Variants in JPH4 observed in about 807,000 individuals in gnomAD.
The protein encoded by JPH4 is junctophilin-4.
In JPH4, 18 loss-of-function variants were observed where a neutral mutation model predicts 57.6. The ratio of observed to expected loss-of-function variants is 0.31; its 90% CI spans 0.22 to 0.46. The LOEUF is 0.46. JPH4 is among the 20% of genes least tolerant of loss of function. JPH4 has a pLI of 1.00. For synonymous variants in JPH4, 425 were observed against 406.6 expected, an observed-to-expected ratio of 1.05 and a Z score of -0.54; for missense variants, 727 against 911.1, an observed-to-expected ratio of 0.80 and a Z score of 2.60.
rs1566680647 is a variant in JPH4 at position 23,577,129 on chromosome 14, G to T, written c.325C>A (p.Leu109Ile). ...CCGTCCTGGAAACCGTCCTTCCAGA[G>T]CCCGGCGTAGCGCAGGCCGGACACG... ...ESVSGLRYAG[L>I]WKDGFQDGYG... is the part of the protein sequence containing the mutation. The change falls in exon 2 of 6, where the codon CTC becomes ATC. Residue 109 changes from leucine to isoleucine, a missense_variant. Around this residue, in one of 7 missense-constraint regions of JPH4, gnomAD observed 90 missense variants for 88.1 expected, o/e 1.02. Coordinates refer to ENST00000356300, the MANE Select transcript of JPH4 (RefSeq NM_001146028.2). This position sits in a 1 kb window ranked among gnomAD's most constrained non-coding sequence, Gnocchi z 8.4. 1 of 1,556,240 alleles carries T rather than the reference G, an allele frequency of 6.4e-7. No individual in the cohort carries two copies. Among genetic ancestry groups the T allele is most frequent in the South Asian group, 1.2e-5 (1 of 85,150 alleles).
chr14:23,571,608 C>G lies in JPH4; in HGVS notation c.1271-148G>C. On this transcript the variant is annotated intron_variant, in intron 4 of 5. Coordinates refer to ENST00000356300, the MANE Select transcript of JPH4 (RefSeq NM_001146028.2). This position sits in a 1 kb window ranked among gnomAD's most constrained non-coding sequence, Gnocchi z 4.6. ...GCCAGACCCCAAACCCCCCATTATC[C>G]TACTGCATACATTCCCAAGTCCCAC... 9.0e-7 allele frequency: 1 copy of G among 1,105,212 alleles called. No homozygotes were observed. Among genetic ancestry groups the G allele is most frequent in the East Asian group, 2.4e-5 (1 of 42,162 alleles). 68.5% of individuals were successfully genotyped at this position (1,105,212 alleles called of 1,614,324 possible). A position where few individuals can be genotyped will look rare whatever the true frequency, so the allele number is the denominator to read the frequency against.
In JPH4 at chr14:23,570,666, G is replaced by A. The variant is rs556974459; in HGVS notation, c.1803+262C>T. Reference sequence around the variant, plus strand: ...TGGGATTACAGGCGTGAGCCACCGCGCCCGGCCTGGGCAAGTTACTTTAAG... The same window carrying A: ...TGGGATTACAGGCGTGAGCCACCGCACCCGGCCTGGGCAAGTTACTTTAAG... On this transcript the variant is annotated intron_variant, in intron 5 of 5. Coordinates refer to ENST00000356300, the MANE Select transcript of JPH4 (RefSeq NM_001146028.2). 1.2e-3 allele frequency among the ~76,000 whole-genome samples: 177 copies of A among 151,976 alleles called. No individual in the cohort carries two copies. Among genetic ancestry groups the A allele is most frequent in the African/African-American group, 3.8e-3 (159 of 41,444 alleles).
Position 23,569,557 on chromosome 14 carries a change from G to T in JPH4, c.*77C>A. 1.1e-6 allele frequency: 1 copy of T among 889,612 alleles called. No individual in the cohort carries two copies. The highest frequency in any genetic ancestry group is 1.8e-6 in the Non-Finnish European group (1 of 542,796). The allele number at this position is 889,612 out of a possible 1,614,324, so 55.1% of individuals were successfully genotyped here. On this transcript the variant is annotated 3_prime_UTR_variant, in exon 6 of 6. Transcript: ENST00000356300. The surrounding 1 kb of genome is among the most constrained non-coding windows in gnomAD (Gnocchi z 4.8). ...AGATAGGAGAAAACACAGCCAGGAA[G>T]AGGAGAAGAGAAAAAAGGCAGGTCA...
At position 23,571,978 on chromosome 14, in the gene JPH4, G is replaced by A. The variant is rs1889162320; in HGVS notation, c.1152-58C>T. On this transcript the variant is annotated intron_variant, in intron 3 of 5. Coordinates refer to ENST00000356300, the MANE Select transcript of JPH4 (RefSeq NM_001146028.2). This position sits in a 1 kb window ranked among gnomAD's most constrained non-coding sequence, Gnocchi z 4.6. ...CTTCCCCCACTTCAAGTTAGTCCCT[G>A]CTCAGATGCTCCAGCCCCCTAGCCC... The A allele has an allele frequency of 1.4e-6, 2 of 1,480,692 alleles. No individual in the cohort carries two copies. The highest frequency in any genetic ancestry group is 1.4e-5 in the African/African-American group (1 of 72,566). The allele number at this position is 1,480,692 out of a possible 1,614,324, so 91.7% of individuals were successfully genotyped here.
rs2139459756 is a variant in JPH4, at chr14:23,569,825, C to T, written c.1804-108G>A. 1.5e-6 allele frequency: 1 copy of T among 677,166 alleles called. No homozygotes were observed. The highest frequency in any genetic ancestry group is 1.9e-5 in the South Asian group (1 of 52,218). The allele number at this position is 677,166 out of a possible 1,614,324, so 41.9% of individuals were successfully genotyped here. A position where few individuals can be genotyped will look rare whatever the true frequency, so the allele number is the denominator to read the frequency against. On this transcript the variant is annotated intron_variant, in intron 5 of 5. Transcript: ENST00000356300. The surrounding 1 kb of genome is among the most constrained non-coding windows in gnomAD (Gnocchi z 4.8). Reference sequence around the variant, plus strand: ...GGGTCTCAGGCACCTCCCTGCACAGCCTGGAGCAGGGGGATCGCCAACATT... The same window carrying T: ...GGGTCTCAGGCACCTCCCTGCACAGTCTGGAGCAGGGGGATCGCCAACATT...
chr14:23,575,787 G>C lies in JPH4; in HGVS notation c.1049C>G (p.Ala350Gly). Residue 350 changes from alanine (A) to glycine (G), a missense_variant, in exon 3 of 6, where the codon GCC (alanine) becomes GGC (glycine). This residue lies in a region of JPH4 where 112 missense variants were observed against 199.4 expected (regional missense o/e 0.56). Coordinates refer to ENST00000356300, the MANE Select transcript of JPH4 (RefSeq NM_001146028.2). The surrounding 1 kb of genome is among the most constrained non-coding windows in gnomAD (Gnocchi z 6.9). Reference sequence around the variant, plus strand: ...CTCCTTAACCTTGCCCCGCCGAAGGGCCAGAGGCAGGAGACTGCGGACGCG... The same window carrying C: ...CTCCTTAACCTTGCCCCGCCGAAGGCCCAGAGGCAGGAGACTGCGGACGCG... Reference protein sequence around the residue: ...GGRVRSLLPLALRRGKVKEKV... With the variant: ...GGRVRSLLPLGLRRGKVKEKV... 2 of 1,595,296 alleles carry C rather than the reference G, an allele frequency of 1.3e-6. No homozygotes were observed. Among genetic ancestry groups the C allele is most frequent in the Non-Finnish European group, 1.7e-6 (2 of 1,172,540 alleles).
chr14:23,576,467 C>T lies in JPH4; in HGVS notation c.380-11G>A. 2 of 1,401,102 alleles carry T rather than the reference C, an allele frequency of 1.4e-6. No individual in the cohort carries two copies. Among genetic ancestry groups the T allele is most frequent in the Non-Finnish European group, 1.8e-6 (2 of 1,085,860 alleles). 86.8% of individuals were successfully genotyped at this position (1,401,102 alleles called of 1,614,324 possible). ...GGCCCTGGTAGGTGCCTGCGGGCGG[C>T]GGAGGGGTGGGAGAAAGAGTCAGGA... On this transcript the variant is annotated splice_polypyrimidine_tract_variant and intron_variant, in intron 2 of 5. Coordinates refer to ENST00000356300, the MANE Select transcript of JPH4 (RefSeq NM_001146028.2). The surrounding 1 kb of genome is among the most constrained non-coding windows in gnomAD (Gnocchi z 8.0).
In JPH4 at chr14:23,571,279, C is replaced by T; in HGVS notation, c.1452G>A (p.Gly484=). 1 of 1,602,448 alleles carries T rather than the reference C, an allele frequency of 6.2e-7. No individual in the cohort carries two copies. Among genetic ancestry groups the T allele is most frequent in the Non-Finnish European group, 8.5e-7 (1 of 1,174,184 alleles). ...TGGGGCTGGAGAAGGGACCCTGGTC[C>T]CCTCCAGGAGGCAGTGGGCTCCGGC... The part of the protein sequence containing the change: ...PACRSPLPPG[G]DQGPFSSPKA... The change falls in exon 5 of 6, where the codon GGG becomes GGA. Residue 484 remains glycine, a synonymous_variant. Transcript: ENST00000356300. The surrounding 1 kb of genome is among the most constrained non-coding windows in gnomAD (Gnocchi z 4.6).
chr14:23,571,738 A>ACACCTGAGCCT lies in JPH4; in HGVS notation c.1270+53_1270+63dup, dbSNP rs1195289977. The ACACCTGAGCCT allele has an allele frequency of 1.1e-5, 16 of 1,443,664 alleles. No individual in the cohort carries two copies. In the South Asian group the frequency reaches 1.2e-4, roughly 10 times the overall value. The allele number at this position is 1,443,664 out of a possible 1,614,324, so 89.4% of individuals were successfully genotyped here. A position where few individuals can be genotyped will look rare whatever the true frequency, so the allele number is the denominator to read the frequency against. ...TGCAGGGCTTCTCATCTGTTTCCCC[A>ACACCTGAGCCT]CACCTGAGCCTCTCTAGCTCCCTAG... On this transcript the variant is annotated intron_variant, in intron 4 of 5. Transcript: ENST00000356300. The surrounding 1 kb of genome is among the most constrained non-coding windows in gnomAD (Gnocchi z 4.6).
At chr14:23,570,464 C>G (rs972454758) in intron 5 of JPH4, among the ~76,000 whole-genome samples, 73 of 151,234 alleles carry the variant, frequency 4.8e-4, no homozygotes, top group African/African-American at 1.7e-3. Context: ...CTCCGCCTCC[C>G]GGGTTCACGC....
At chr14:23,572,748 C>T in intron 3 of JPH4, 1 of 631,450 alleles carries the variant, frequency 1.6e-6, no homozygotes, top group South Asian at 1.8e-5. Flanking sequence ...ATCCCCTCTC[C>T]CTACTAACAT....
Position 23,571,104 on chromosome 14 carries a change from G to A in JPH4, c.1627C>T (p.Arg543Ter). 6.2e-7 allele frequency: 1 copy of A among 1,614,038 alleles called. No homozygotes were observed. The highest frequency in any genetic ancestry group is 8.5e-7 in the Non-Finnish European group (1 of 1,179,966). Reference sequence around the variant, plus strand: ...TCTTCATCCTCCCCCTCCTCCTCTCGAAGACTTCCTGAACTGTCGCTGCAG... The same window carrying A: ...TCTTCATCCTCCCCCTCCTCCTCTCAAAGACTTCCTGAACTGTCGCTGCAG... ...GGCSDSSGSL[R>*]EEEGEDEEPL... The change falls in exon 5 of 6, where the codon CGA (arginine) becomes TGA (stop). Residue 543 changes from arginine (R) to a stop codon, truncating the protein, a stop_gained. Coordinates refer to ENST00000356300, the MANE Select transcript of JPH4 (RefSeq NM_001146028.2). LOFTEE classifies it high-confidence loss of function. The surrounding 1 kb of genome is among the most constrained non-coding windows in gnomAD (Gnocchi z 4.6).
chr14:23,574,936 TTC>T (rs1889237606), intron 3 of JPH4: 1 of 175,070 alleles, frequency 5.7e-6, no homozygotes, highest in Admixed American at 6.3e-5. Context: ...AATGTCTGGC[TTC>T]TTTTTGTTTT....
In JPH4 at chr14:23,575,408, C is replaced by A; in HGVS notation, c.1151+277G>T. The A allele has an allele frequency of 1.8e-6, 1 of 556,270 alleles. No individual in the cohort carries two copies. The highest frequency in any genetic ancestry group is 3.2e-6 in the Non-Finnish European group (1 of 310,376). 34.5% of individuals were successfully genotyped at this position (556,270 alleles called of 1,614,324 possible). A position where few individuals can be genotyped will look rare whatever the true frequency, so the allele number is the denominator to read the frequency against. On this transcript the variant is annotated intron_variant, in intron 3 of 5. Coordinates refer to ENST00000356300, the MANE Select transcript of JPH4 (RefSeq NM_001146028.2). The surrounding 1 kb of genome is among the most constrained non-coding windows in gnomAD (Gnocchi z 6.9). Reference sequence around the variant, plus strand: ...TACTCCCACACACAACAATGGATTCCATAGACATGCATCTCCACACAAAAG... The same window carrying A: ...TACTCCCACACACAACAATGGATTCAATAGACATGCATCTCCACACAAAAG...
chr14:23,575,384 A>C lies in JPH4; in HGVS notation c.1151+301T>G. On this transcript the variant is annotated intron_variant, in intron 3 of 5. Coordinates refer to ENST00000356300, the MANE Select transcript of JPH4 (RefSeq NM_001146028.2). This position sits in a 1 kb window ranked among gnomAD's most constrained non-coding sequence, Gnocchi z 6.9. ...GCCTGCACAAAACAGCTTCCTTGCT[A>C]CTCCCACACACAACAATGGATTCCA... The C allele has an allele frequency of 8.2e-6, 4 of 485,056 alleles. No homozygotes were observed. Among genetic ancestry groups the C allele is most frequent in the East Asian group, 3.4e-5 (1 of 29,816 alleles). 30.0% of individuals were successfully genotyped at this position (485,056 alleles called of 1,614,324 possible).
In JPH4 at chr14:23,568,559, G is replaced by A. The variant is rs929381734; in HGVS notation, c.*1075C>T. 2.0e-6 allele frequency: 2 copies of A among 985,802 alleles called. No homozygotes were observed. The highest frequency in any genetic ancestry group is 2.4e-6 in the Non-Finnish European group (2 of 829,958). 61.1% of individuals were successfully genotyped at this position (985,802 alleles called of 1,614,324 possible). A position where few individuals can be genotyped will look rare whatever the true frequency, so the allele number is the denominator to read the frequency against. On this transcript the variant is annotated 3_prime_UTR_variant, in exon 6 of 6. Coordinates refer to ENST00000356300, the MANE Select transcript of JPH4 (RefSeq NM_001146028.2). Reference sequence around the variant, plus strand: ...CCATTTCACAAGATTCTGATGTAAAGGGGGAAGGGATATAACCCATTTTGG... The same window carrying A: ...CCATTTCACAAGATTCTGATGTAAAAGGGGAAGGGATATAACCCATTTTGG...
chr14:23,576,982 T>G lies in JPH4; in HGVS notation c.379+93A>C. Reference sequence around the variant, plus strand: ...GGAATGGTGGCGGGGGAAAGAAGGATGGGCGCAAGGGCGCAAATGGCGGGC... The same window carrying G: ...GGAATGGTGGCGGGGGAAAGAAGGAGGGGCGCAAGGGCGCAAATGGCGGGC... On this transcript the variant is annotated intron_variant, in intron 2 of 5. Transcript: ENST00000356300. This position sits in a 1 kb window ranked among gnomAD's most constrained non-coding sequence, Gnocchi z 8.0. The G allele has an allele frequency of 1.5e-6, 2 of 1,369,018 alleles. No homozygotes were observed. The highest frequency in any genetic ancestry group is 1.9e-6 in the Non-Finnish European group (2 of 1,051,228). 84.8% of individuals were successfully genotyped at this position (1,369,018 alleles called of 1,614,324 possible).
intron 3 of JPH4, among the ~76,000 whole-genome samples, chr14:23,572,241 C>G (rs1247196316): frequency 1.3e-5 from 2 of 152,110 alleles, no homozygotes; most frequent in Non-Finnish European, 2.9e-5. Context: ...CTGTGTAATT[C>G]CATTCCTATC....
In JPH4 at chr14:23,577,078, C is replaced by G; in HGVS notation, c.376G>C (p.Gly126Arg). ...DGYGTETYSDGGTYQGQWQAG... is the reference protein window; with the variant it reads ...DGYGTETYSDRGTYQGQWQAG... ...ACTGGTGGGCCGGGCCCCGCACCTC[C>G]GTCGGAGTAGGTCTCAGTGCCGTAG... The change falls in exon 2 of 6, where the codon GGA (glycine) becomes CGA (arginine). Residue 126 changes from glycine (G) to arginine (R), a missense_variant. Coordinates refer to ENST00000356300, the MANE Select transcript of JPH4 (RefSeq NM_001146028.2). The surrounding 1 kb of genome is among the most constrained non-coding windows in gnomAD (Gnocchi z 8.4). 1 of 1,528,820 alleles carries G rather than the reference C, an allele frequency of 6.5e-7. No homozygotes were observed. The allele number at this position is 1,528,820 out of a possible 1,614,324, so 94.7% of individuals were successfully genotyped here.
Sources: gnomAD v4.1 joint callset for allele counts (sites outside exome capture counted in the v4.1 genomes callset) on GRCh38, gnomAD v4.1.1 for gene constraint, gnomAD v4.1.1 regional missense constraint, Gnocchi (gnomAD v3.1) non-coding constraint, MANE v1.5 for transcripts, NCBI Gene and HGNC (gene_info 2026-07-23, HGNC 2026-07-21) for gene names.